The following PPP6R1 variants were observed in gnomAD, a reference collection of about 807,000 sequenced individuals.
PPP6R1 encodes serine/threonine-protein phosphatase 6 regulatory subunit 1.
A neutral mutation model predicts 104.6 loss-of-function variants in PPP6R1; 39 were observed. The ratio of observed to expected loss-of-function variants is 0.37; its 90% CI spans 0.29 to 0.49. The LOEUF (loss-of-function observed/expected upper bound fraction) is 0.49. PPP6R1 is among the 20% of genes least tolerant of loss of function. PPP6R1 has a pLI of 0.98. For missense variants in PPP6R1, 1,181 were observed against 1,155.8 expected (o/e 1.02, Z -0.32); for synonymous variants, 549 against 479.0 (o/e 1.15, Z -1.91).
At chr19:55,234,975 T>G (rs1173360254) in intron 17 of PPP6R1, among the ~76,000 whole-genome samples, 2 of 152,196 alleles carry the variant, frequency 1.3e-5, no homozygotes, top group African/African-American at 4.8e-5. Flanking sequence ...AAGGTCCTGC[T>G]CCTGGGTCTG....
chr19:55,240,608 C>T (rs796518686), intron 10 of PPP6R1, among the ~76,000 whole-genome samples: 12 of 151,260 alleles, frequency 7.9e-5, no homozygotes, highest in East Asian at 5.8e-4. Context: ...TTCACATACT[C>T]GTGTGCACTC....
At chr19:55,246,373 C>T (rs1600113455) in intron 2 of PPP6R1, among the ~76,000 whole-genome samples, 1 of 149,550 alleles carries the variant, frequency 6.7e-6, no homozygotes, top group Non-Finnish European at 1.5e-5. Flanking sequence ...TGCAGTGAGC[C>T]GATCATGCCT....
At chr19:55,234,731 A>T (rs767867201) in intron 17 of PPP6R1, among the ~76,000 whole-genome samples, 2 of 152,236 alleles carry the variant, frequency 1.3e-5, no homozygotes, top group Non-Finnish European at 2.9e-5. Context: ...ATTCAGCTGC[A>T]GCTCATCATG....
chr19:55,239,353 C>T, intron 15 of PPP6R1, 52 bp downstream of exon 15: 2 of 1,540,650 alleles, frequency 1.3e-6, no homozygotes, highest in Non-Finnish European at 1.8e-6. Flanking sequence ...GTAGGCGCGC[C>T]TGCTGCTGCA....
chr19:55,240,403 G>T, intron 10 of PPP6R1, 103 bp from the exon 11 acceptor site: 2 of 1,162,522 alleles, frequency 1.7e-6, no homozygotes, highest in Non-Finnish European at 2.5e-6. Context: ...GCTTCACCAG[G>T]CCCCCGCTCA....
chr19:55,257,980 C>A (rs369952418), intron 1 of PPP6R1, among the ~76,000 whole-genome samples: 9 of 152,362 alleles, frequency 5.9e-5, no homozygotes, highest in African/African-American at 2.2e-4. Context: ...CTCCTCCAGT[C>A]CTGAGCTCCG....
chr19:55,245,039 C>T lies in PPP6R1; in HGVS notation c.618+81G>A. On this transcript the variant is annotated intron_variant, in intron 5 of 23. Coordinates refer to ENST00000412770, the MANE Select transcript of PPP6R1 (RefSeq NM_014931.4). This position sits in a 1 kb window ranked among gnomAD's most constrained non-coding sequence, Gnocchi z 6.4. The stretch of plus-strand genomic sequence containing the variant: ...AGGCGTGAGCCACTGCGTCCAGCCC[C>T]AATTCCTCTTTTAAAAGTGGGGAAG... The T allele has an allele frequency of 6.4e-7, 1 of 1,555,752 alleles. No individual in the cohort carries two copies. The highest frequency in any genetic ancestry group is 8.7e-7 in the Non-Finnish European group (1 of 1,145,650).
At position 55,236,729 on chromosome 19, in the gene PPP6R1, G is replaced by A. The variant is rs2122567090; in HGVS notation, c.1902C>T (p.Gly634=). ...CATCTTCTCCATCAGACTCCCCTGA[G>A]CCCTGGGCCTCTTCCTCGTCCTCCT... The part of the protein sequence containing the change: ...EEEEDEEEAQ[G]SGESDGEDGA... Residue 634 remains glycine, a synonymous_variant, in exon 17 of 24, where the codon GGC becomes GGT. Transcript: ENST00000412770. 6.2e-7 allele frequency: 1 copy of A among 1,613,852 alleles called. No homozygotes were observed. The highest frequency in any genetic ancestry group is 2.2e-5 in the East Asian group (1 of 44,876).
Position 55,243,164 on chromosome 19 carries a change from C to T in PPP6R1, c.619-676G>A, listed in dbSNP as rs1428309311. Among the ~76,000 whole-genome samples the T allele has an allele frequency of 2.0e-5, 3 of 152,154 alleles. No individual in the cohort carries two copies. In the East Asian group the frequency reaches 5.8e-4, roughly 29 times the overall value. ...GCGCGGTGGCTCACGCCTGTAATCC[C>T]AGCACTTTGGGAGGCCGAGGCAGGT... is the stretch of plus-strand genomic sequence containing the variant. On this transcript the variant is annotated intron_variant, in intron 5 of 23. Coordinates refer to ENST00000412770, the MANE Select transcript of PPP6R1 (RefSeq NM_014931.4).
In PPP6R1 at chr19:55,240,218, A is replaced by T; in HGVS notation, c.1361+18T>A. 6.3e-7 allele frequency: 1 copy of T among 1,580,914 alleles called. No individual in the cohort carries two copies. Among genetic ancestry groups the T allele is most frequent in the Non-Finnish European group, 8.6e-7 (1 of 1,163,922 alleles). On this transcript the variant is annotated intron_variant, in intron 11 of 23. Coordinates refer to ENST00000412770, the MANE Select transcript of PPP6R1 (RefSeq NM_014931.4). ...GCAGCCCCAGCCCCTGGAGACATGA[A>T]GGGCAGCAGGTGCTCACTGTACACG...
Position 55,245,115 on chromosome 19 carries a change from C to T in PPP6R1, c.618+5G>A. The T allele has an allele frequency of 6.2e-7, 1 of 1,613,252 alleles. No individual in the cohort carries two copies. Among genetic ancestry groups the T allele is most frequent in the Non-Finnish European group, 8.5e-7 (1 of 1,179,678 alleles). On this transcript the variant is annotated splice_donor_5th_base_variant and intron_variant, in intron 5 of 23. Transcript: ENST00000412770. The surrounding 1 kb of genome is among the most constrained non-coding windows in gnomAD (Gnocchi z 6.4). ...GGAATCCGCAGGGGCATCGGCAGCA[C>T]TCACATTCTCATCCTTCGACGGGTG... is the stretch of plus-strand genomic sequence containing the variant.
At chr19:55,234,136 G>A (rs1309044050) in intron 17 of PPP6R1, among the ~76,000 whole-genome samples, 1 of 152,060 alleles carries the variant, frequency 6.6e-6, no homozygotes, top group Non-Finnish European at 1.5e-5. Context: ...TAGTAGAGAT[G>A]GGGTTTCACC....
In PPP6R1 at chr19:55,248,267, G is replaced by A. The variant is rs2087526746; in HGVS notation, c.-6-1158C>T. ...AAGCTCACCAGCAGCCCCCAAGAAA[G>A]CTGTCATCACTCCGCCACACAGGAC... On this transcript the variant is annotated intron_variant, in intron 1 of 23. Coordinates refer to ENST00000412770, the MANE Select transcript of PPP6R1 (RefSeq NM_014931.4). Among the ~76,000 whole-genome samples the A allele has an allele frequency of 2.0e-5, 3 of 152,150 alleles. 1 individual carries two copies. The South Asian group carries it at 6.2e-4, about 32-fold the overall frequency.
At chr19:55,255,376 A>G (rs1378961280) in intron 1 of PPP6R1, among the ~76,000 whole-genome samples, 1 of 152,242 alleles carries the variant, frequency 6.6e-6, no homozygotes. Flanking sequence ...TTAGGGTTAC[A>G]GTGTGATCCA....
Position 55,241,256 on chromosome 19 carries a change from C to G in PPP6R1, c.1144G>C (p.Val382Leu), listed in dbSNP as rs375164592. Residue 382 changes from valine to leucine, a missense_variant, in exon 9 of 24, where the codon GTG (valine) becomes CTG (leucine). Physicochemically the swap from Val to Leu is conservative, Grantham distance 32. Coordinates refer to ENST00000412770, the MANE Select transcript of PPP6R1 (RefSeq NM_014931.4). The surrounding 1 kb of genome is among the most constrained non-coding windows in gnomAD (Gnocchi z 5.4). The part of the protein sequence containing the change: ...ALTHELLALD[V>L]PNTMLDLFFH... ...CCCCGCACCAGCATGGTGTTGGGCA[C>G]GTCCAGTGCCAGGAGCTCGTGCGTC... 6.2e-7 allele frequency: 1 copy of G among 1,603,110 alleles called. No homozygotes were observed. Among genetic ancestry groups the G allele is most frequent in the East Asian group, 2.2e-5 (1 of 44,620 alleles).
At position 55,245,147 on chromosome 19, in the gene PPP6R1, C is replaced by T. The variant is rs1300131926; in HGVS notation, c.591G>A (p.Glu197=). The T allele has an allele frequency of 6.2e-7, 1 of 1,613,502 alleles. No homozygotes were observed. The highest frequency in any genetic ancestry group is 1.1e-5 in the South Asian group (1 of 90,934). Residue 197 remains glutamate (E), a synonymous_variant, in exon 5 of 24, where the codon GAG becomes GAA. Transcript: ENST00000412770. This position sits in a 1 kb window ranked among gnomAD's most constrained non-coding sequence, Gnocchi z 6.4. ...NEEKIVQRLI[E]QIHPSKDENQ... The stretch of plus-strand genomic sequence containing the variant: ...TCTCATCCTTCGACGGGTGGATCTG[C>T]TCAATCAGCCGCTGGACGATCTTCT...
At chr19:55,249,026 A>G (rs1176889745) in intron 1 of PPP6R1, among the ~76,000 whole-genome samples, 2 of 152,192 alleles carry the variant, frequency 1.3e-5, no homozygotes, top group African/African-American at 4.8e-5. Context: ...CAATCTTGAT[A>G]TAACACTATA....
rs759364960 is a variant in PPP6R1 at position 55,232,134 on chromosome 19, C to G, written c.2066G>C (p.Cys689Ser). Reference sequence around the variant, plus strand: ...AGGGGTGGCCCCTCCACGGGCTGCACAGCCAATGCCCTCCTCGTCTTCCTC... The same window carrying G: ...AGGGGTGGCCCCTCCACGGGCTGCAGAGCCAATGCCCTCCTCGTCTTCCTC... ...EEEEDEEGIG[C>S]AARGGATPLS... Residue 689 changes from cysteine (C) to serine (S), a missense_variant, in exon 18 of 24, where the codon TGT (cysteine) becomes TCT (serine). Transcript: ENST00000412770. 1 of 1,593,364 alleles carries G rather than the reference C, an allele frequency of 6.3e-7. No homozygotes were observed. Among genetic ancestry groups the G allele is most frequent in the Non-Finnish European group, 8.5e-7 (1 of 1,170,070 alleles).
rs1313732479 is a variant in PPP6R1, at chr19:55,247,518, A to T, written c.-6-409T>A. On this transcript the variant is annotated intron_variant, in intron 1 of 23. Transcript: ENST00000412770. The stretch of plus-strand genomic sequence containing the variant: ...GGGCCTCGGGCCCTGTCTCCCCATG[A>T]GGGTCTGGGTCCACTATCCCTACTT... The T allele has an allele frequency of 1.6e-5, 3 of 186,564 alleles. No individual in the cohort carries two copies. In the Admixed American group the frequency reaches 1.7e-4, roughly 11 times the overall value. 11.6% of individuals were successfully genotyped at this position (186,564 alleles called of 1,614,324 possible). A position where few individuals can be genotyped will look rare whatever the true frequency, so the allele number is the denominator to read the frequency against.
Sources: gnomAD v4.1 joint callset for allele counts (sites outside exome capture counted in the v4.1 genomes callset) on GRCh38, gnomAD v4.1.1 for gene constraint, Gnocchi (gnomAD v3.1) non-coding constraint, MANE v1.5 for transcripts, NCBI Gene and HGNC (gene_info 2026-07-23, HGNC 2026-07-21) for gene names.